Variants in EPHA5 observed in about 807,000 individuals in gnomAD.
EPHA5 encodes the protein ephrin type-A receptor 5.
In EPHA5, 60 loss-of-function variants were observed where a neutral mutation model predicts 105.0. The ratio of observed to expected loss-of-function variants is 0.57; its 90% confidence interval spans 0.46 to 0.71. EPHA5 has a LOEUF of 0.71. Among genes scored for constraint, EPHA5 ranks in the 30% least tolerant of loss-of-function variants. EPHA5 has a pLI of 0.00. For missense variants in EPHA5, 1,218 were observed against 1,274.7 expected (o/e 0.96, Z 0.68); for synonymous variants, 513 against 449.1 (o/e 1.14, Z -1.80).
chr4:65,368,216 T>C (rs1358717753), intron 8 of EPHA5, among the ~76,000 whole-genome samples: 1 of 152,112 alleles, frequency 6.6e-6, no homozygotes, highest in East Asian at 1.9e-4. Flanking sequence ...CGTGAACCTC[T>C]CTGGTTCTCT....
chr4:65,374,794 T>C (rs144632390), intron 8 of EPHA5, among the ~76,000 whole-genome samples: 54 of 152,076 alleles, frequency 3.6e-4, no homozygotes, highest in African/African-American at 1.2e-3. Context: ...AAACTGTAAA[T>C]GTGTCTCTTC....
chr4:65,504,710 C>T (rs955854103), intron 3 of EPHA5, among the ~76,000 whole-genome samples: 1 of 151,824 alleles, frequency 6.6e-6, no homozygotes, highest in East Asian at 1.9e-4. Flanking sequence ...TGCAGACTAT[C>T]GTAAATCACA....
intron 1 of EPHA5, among the ~76,000 whole-genome samples, chr4:65,661,226 A>T (rs952594688): frequency 6.6e-6 from 1 of 152,148 alleles, no homozygotes; most frequent in African/African-American, 2.4e-5. Flanking sequence ...TTGTTTTTTA[A>T]TTCAAAACAG....
At chr4:65,599,743 A>G (rs1299082835) in intron 3 of EPHA5, among the ~76,000 whole-genome samples, 1 of 152,218 alleles carries the variant, frequency 6.6e-6, no homozygotes, top group African/African-American at 2.4e-5. Flanking sequence ...GTCTCCAGTT[A>G]ATCCAATGTC....
chr4:65,652,125 T>G (rs2149530525), intron 1 of EPHA5, among the ~76,000 whole-genome samples: 1 of 152,274 alleles, frequency 6.6e-6, no homozygotes, highest in South Asian at 2.1e-4. Context: ...CACAAAATAC[T>G]TCACATAAAG....
At chr4:65,453,475 A>T (rs566348875) in intron 5 of EPHA5, among the ~76,000 whole-genome samples, 3 of 152,290 alleles carry the variant, frequency 2.0e-5, no homozygotes, top group African/African-American at 7.2e-5. Flanking sequence ...GTCTCCCAAT[A>T]AACAGAAACA....
intron 3 of EPHA5, among the ~76,000 whole-genome samples, chr4:65,498,300 T>C (rs544866831): frequency 4.6e-5 from 7 of 152,078 alleles, no homozygotes; most frequent in African/African-American, 1.7e-4. Flanking sequence ...TGGTACTTTA[T>C]TTTATAGGCA....
At chr4:65,657,920 A>G (rs552480468) in intron 1 of EPHA5, among the ~76,000 whole-genome samples, 3,156 of 135,086 alleles carry the variant, frequency 0.023, 76 homozygotes, top group Non-Finnish European at 0.032. Flanking sequence ...AAAAAAAAAA[A>G]GATATTTTAC....
At chr4:65,354,274 C>G (rs534218070) in intron 11 of EPHA5, among the ~76,000 whole-genome samples, 1 of 151,832 alleles carries the variant, frequency 6.6e-6, no homozygotes, top group East Asian at 1.9e-4. Context: ...TGTAAGTTGA[C>G]CAAGAGAATA....
At chr4:65,576,006 GAAAGAA>G (rs1740887125) in intron 3 of EPHA5, among the ~76,000 whole-genome samples, 11 of 64,590 alleles carry the variant, frequency 1.7e-4, no homozygotes, top group African/African-American at 6.2e-4. Flanking sequence ...GAGAGAGAAA[GAAAGAA>G]AGAAAGAAAG....
At chr4:65,365,431 TA>T (rs1438992775) in intron 10 of EPHA5, among the ~76,000 whole-genome samples, 4 of 150,958 alleles carry the variant, frequency 2.6e-5, no homozygotes, top group Non-Finnish European at 3.0e-5. Context: ...TAAAACACTA[TA>T]GGGGCTATTA....
chr4:65,549,098 C>G (rs749830436), intron 3 of EPHA5, among the ~76,000 whole-genome samples: 23 of 151,978 alleles, frequency 1.5e-4, no homozygotes, highest in Non-Finnish European at 2.6e-4. Flanking sequence ...TAAAAGTGCA[C>G]AAAACCAAAG....
chr4:65,406,027 A>C (rs1431823841), intron 7 of EPHA5, among the ~76,000 whole-genome samples: 1 of 151,994 alleles, frequency 6.6e-6, no homozygotes, highest in African/African-American at 2.4e-5. Context: ...TTAATTTCCT[A>C]GTAAAATCAT....
intron 3 of EPHA5, among the ~76,000 whole-genome samples, chr4:65,596,653 T>C (rs1301088130): frequency 1.3e-5 from 2 of 148,720 alleles, no homozygotes; most frequent in Non-Finnish European, 3.0e-5. Flanking sequence ...GACTACTTAA[T>C]TGCCTTGGTT....
At chr4:65,507,319 C>A (rs1021796283) in intron 3 of EPHA5, among the ~76,000 whole-genome samples, 1 of 152,086 alleles carries the variant, frequency 6.6e-6, no homozygotes, top group South Asian at 2.1e-4. Context: ...CAGCTTTGTT[C>A]TTTTGGCTTA....
chr4:65,634,187 C>A (rs1262898963), intron 2 of EPHA5, among the ~76,000 whole-genome samples: 1 of 151,980 alleles, frequency 6.6e-6, no homozygotes, highest in East Asian at 1.9e-4. Flanking sequence ...TTATGAGTTT[C>A]TCTATTAATT....
chr4:65,666,635 T>C (rs568302107), intron 1 of EPHA5, among the ~76,000 whole-genome samples: 1 of 152,318 alleles, frequency 6.6e-6, no homozygotes, highest in East Asian at 1.9e-4. Flanking sequence ...AAGTTTTGAA[T>C]ATTATACTGT....
chr4:65,349,646 T>A (rs547983461), intron 13 of EPHA5, among the ~76,000 whole-genome samples: 1 of 152,272 alleles, frequency 6.6e-6, no homozygotes, highest in East Asian at 1.9e-4. Context: ...AATAACAGTT[T>A]GGGGTCATAC....
In EPHA5 at chr4:65,650,391, CAAAAAAA is replaced by C. The variant is rs11345574; in HGVS notation, c.182-6971_182-6965del. Reference sequence around the variant, plus strand: ...TGAAACCCGGTGTGTACTAAACATACAAAAAAAAAAAAAAAAAATTAACCAGGGCTTG... The same window carrying C: ...TGAAACCCGGTGTGTACTAAACATACAAAAAAAAAAATTAACCAGGGCTTG... On this transcript the variant is annotated intron_variant, in intron 1 of 16. Transcript: ENST00000613740. Among the ~76,000 whole-genome samples, 584 of 136,940 alleles carry C rather than the reference CAAAAAAA, an allele frequency of 4.3e-3. 3 individuals are homozygous for C. Among genetic ancestry groups the C allele is most frequent in the African/African-American group, 0.015 (540 of 36,234 alleles). 89.8% of individuals were successfully genotyped at this position (136,940 alleles called of 152,430 possible). A position where few individuals can be genotyped will look rare whatever the true frequency, so the allele number is the denominator to read the frequency against.
Sources: allele counts gnomAD v4.1 joint callset (sites outside exome capture counted in the v4.1 genomes callset), GRCh38; gene constraint gnomAD v4.1.1; transcripts MANE v1.5; gene names NCBI Gene and HGNC (gene_info 2026-07-23, HGNC 2026-07-21).